The following ASH1L variants were observed in gnomAD, a reference collection of about 807,000 sequenced individuals.
The protein encoded by ASH1L is ASH1 like histone lysine methyltransferase, also known as histone-lysine N-methyltransferase ASH1L.
In ASH1L, 23 loss-of-function variants were observed where a neutral mutation model predicts 269.0. That is an observed-to-expected ratio of 0.09 (90% CI 0.06 to 0.12). The LOEUF (loss-of-function observed/expected upper bound fraction) is 0.12, where lower values mean the gene tolerates loss of function less well. Ranked by LOEUF, ASH1L falls within the 10% of genes least tolerant of loss-of-function variation. The pLI is 1.00. For missense variants in ASH1L, 2,912 were observed against 3,567.8 expected (o/e 0.82, Z 4.68); for synonymous variants, 1,187 against 1,253.5 (o/e 0.95, Z 1.12).
Position 155,562,490 on chromosome 1 carries a change from A to C in ASH1L, c.-437T>G. ...TGGCGGCGGCAGCTCCTCCAGAGGG[A>C]GGGAGCGAAGGGCGCCTAGCGCCCC... On this transcript the variant is annotated 5_prime_UTR_variant, in exon 1 of 28. Transcript: ENST00000392403. 1.4e-6 allele frequency: 2 copies of C among 1,473,970 alleles called. No individual in the cohort carries two copies. Among genetic ancestry groups the C allele is most frequent in the Non-Finnish European group, 1.8e-6 (2 of 1,089,726 alleles). 91.3% of individuals were successfully genotyped at this position (1,473,970 alleles called of 1,614,324 possible). A position where few individuals can be genotyped will look rare whatever the true frequency, so the allele number is the denominator to read the frequency against.
At chr1:155,411,967 C>A (rs569998960) in intron 6 of ASH1L, among the ~76,000 whole-genome samples, 1 of 152,096 alleles carries the variant, frequency 6.6e-6, no homozygotes, top group East Asian at 1.9e-4. Context: ...AGAGGCCGGG[C>A]GCTGTGGCTC....
intron 6 of ASH1L, among the ~76,000 whole-genome samples, chr1:155,401,989 C>A (rs533634488): frequency 6.6e-6 from 1 of 151,948 alleles, no homozygotes; most frequent in African/African-American, 2.4e-5. Flanking sequence ...ACTTGAGAGG[C>A]TGAAGCAGGA....
rs1652970068 is a variant in ASH1L, at chr1:155,343,300, C to G, written c.8293+14G>C. The G allele has an allele frequency of 6.2e-7, 1 of 1,606,346 alleles. No individual in the cohort carries two copies. The highest frequency in any genetic ancestry group is 1.3e-5 in the African/African-American group (1 of 74,714). On this transcript the variant is annotated intron_variant, in intron 24 of 27. Transcript: ENST00000392403. This position sits in a 1 kb window ranked among gnomAD's most constrained non-coding sequence, Gnocchi z 6.1. The stretch of plus-strand genomic sequence containing the variant: ...TTGGCCGAGGTCATTTTTTAACTAG[C>G]CCAGATCACTTACCTTTACAATACG...
At chr1:155,556,360 C>A (rs922175442) in intron 1 of ASH1L, among the ~76,000 whole-genome samples, 1 of 151,748 alleles carries the variant, frequency 6.6e-6, no homozygotes, top group Admixed American at 6.6e-5. Context: ...CAGCCAGACC[C>A]CAGCTGTAAA....
At chr1:155,420,105 G>T (rs1330910130) in intron 5 of ASH1L, among the ~76,000 whole-genome samples, 2 of 152,072 alleles carry the variant, frequency 1.3e-5, no homozygotes, top group African/African-American at 4.8e-5. Flanking sequence ...ACCACCTAAG[G>T]TCAGGAGTTT....
At chr1:155,434,121 T>C in intron 5 of ASH1L, 2 of 1,595,326 alleles carry the variant, frequency 1.3e-6, no homozygotes, top group Non-Finnish European at 8.5e-7. Flanking sequence ...TCCTTTCCTC[T>C]GGCCCCAGGG....
intron 4 of ASH1L, among the ~76,000 whole-genome samples, chr1:155,441,454 CTTTTTTTTTTTTTTT>C (rs34682576): frequency 4.1e-5 from 3 of 73,538 alleles, no homozygotes; most frequent in Non-Finnish European, 7.3e-5. Context: ...ATAAAGAATC[CTTTTTTTTTTTTTTT>C]TTTTTTTTTT....
At chr1:155,548,024 G>A (rs1430954655) in intron 1 of ASH1L, among the ~76,000 whole-genome samples, 1 of 152,136 alleles carries the variant, frequency 6.6e-6, no homozygotes, top group Non-Finnish European at 1.5e-5. Context: ...CAGGGACATG[G>A]ATGAAGCTGG....
At chr1:155,353,534 ACT>A (rs1219985617) in intron 16 of ASH1L, among the ~76,000 whole-genome samples, 25 of 152,004 alleles carry the variant, frequency 1.6e-4, no homozygotes, top group Non-Finnish European at 2.6e-4. Context: ...TCTTTTGAAC[ACT>A]CTGTTTTCAG....
intron 1 of ASH1L, among the ~76,000 whole-genome samples, chr1:155,540,031 TGACTCCA>T (rs935403912): frequency 1.3e-5 from 2 of 151,806 alleles, no homozygotes; most frequent in Non-Finnish European, 2.9e-5. Flanking sequence ...ATTGCACCAC[TGACTCCA>T]GCCTGGGTGA....
intron 7 of ASH1L, 105 bp from the exon 8 acceptor site, chr1:155,380,221 G>A: frequency 2.6e-6 from 2 of 770,974 alleles, no homozygotes; most frequent in East Asian, 5.4e-5. Context: ...AAAAAATAAA[G>A]ATTTAATTCT....
rs563176518 is a variant in ASH1L at position 155,403,328 on chromosome 1, C to A, written c.6009-7775G>T. Among the ~76,000 whole-genome samples the A allele has an allele frequency of 4.6e-3, 696 of 151,986 alleles. 2 individuals carry two copies. Among genetic ancestry groups the A allele is most frequent in the Middle Eastern group, 0.014 (4 of 294 alleles). On this transcript the variant is annotated intron_variant, in intron 6 of 27. Transcript: ENST00000392403. ...AGTGAAACTCCTGTTTCAAAAAAAA[C>A]CAAAAAAACCCACAAAAGATATGTC... is the stretch of plus-strand genomic sequence containing the variant.
intron 4 of ASH1L, among the ~76,000 whole-genome samples, chr1:155,450,247 G>C (rs985976806): frequency 6.6e-6 from 1 of 152,136 alleles, no homozygotes; most frequent in Non-Finnish European, 1.5e-5. Flanking sequence ...CCAGAAATTT[G>C]GTAATAATGT....
intron 10 of ASH1L, among the ~76,000 whole-genome samples, chr1:155,371,576 ATAAC>A (rs1655949611): frequency 6.6e-6 from 1 of 152,092 alleles, no homozygotes; most frequent in Admixed American, 6.6e-5. Context: ...AAATAAATAA[ATAAC>A]TGTGATCCAA....
In ASH1L at chr1:155,338,224, C is replaced by T; in HGVS notation, c.8668G>A (p.Glu2890Lys). The part of the protein sequence containing the change: ...EREGATANVS[E>K]GEKKTEESSQ... The stretch of plus-strand genomic sequence containing the variant: ...CTTTCCTCTGTTTTTTTTTCACCCT[C>T]ACTGACGTTAGCAGTGGCCCCTTCC... The change falls in exon 27 of 28, where the codon GAG (glutamate) becomes AAG (lysine). Residue 2890 changes from glutamate (E) to lysine (K), a missense_variant. Physicochemically the swap from Glu to Lys is moderately conservative, Grantham distance 56 (BLOSUM62 1). This residue lies in a region of ASH1L where 154 missense variants were observed against 165.0 expected (regional missense o/e 0.93). Coordinates refer to ENST00000392403, the MANE Select transcript of ASH1L (RefSeq NM_018489.3). 6.2e-7 allele frequency: 1 copy of T among 1,613,934 alleles called. No homozygotes were observed. The highest frequency in any genetic ancestry group is 8.5e-7 in the Non-Finnish European group (1 of 1,179,990).
intron 5 of ASH1L, chr1:155,434,158 G>C (rs1661877480): frequency 1.3e-6 from 2 of 1,593,852 alleles, no homozygotes; most frequent in East Asian, 2.3e-5. Flanking sequence ...CAGGCTATGG[G>C]AGCCCTCACT....
rs550452393 is a variant in ASH1L, at chr1:155,442,222, T to C, written c.5087-3154A>G. Among the ~76,000 whole-genome samples the C allele has an allele frequency of 2.0e-5, 3 of 152,172 alleles. No individual in the cohort carries two copies. The South Asian group carries it at 6.2e-4, about 32-fold the overall frequency. Reference sequence around the variant, plus strand: ...TATGCAGCAATGGACAACTGAAACATTGTTCTTCCTGCTTCTACTTTCACC... The same window carrying C: ...TATGCAGCAATGGACAACTGAAACACTGTTCTTCCTGCTTCTACTTTCACC... On this transcript the variant is annotated intron_variant, in intron 4 of 27. Transcript: ENST00000392403.
At chr1:155,538,640 CCTT>C (rs886137555) in intron 1 of ASH1L, among the ~76,000 whole-genome samples, 2 of 103,538 alleles carry the variant, frequency 1.9e-5, no homozygotes, top group African/African-American at 6.1e-5. Context: ...CTGTACCCAG[CCTT>C]TTTTTTTTTT....
chr1:155,405,733 G>A (rs1659222181), intron 6 of ASH1L, among the ~76,000 whole-genome samples: 1 of 151,652 alleles, frequency 6.6e-6, no homozygotes, highest in Non-Finnish European at 1.5e-5. Flanking sequence ...GGGAGGCTGA[G>A]GCAGGAGAAT....
Sources: gnomAD v4.1 joint callset for allele counts (sites outside exome capture counted in the v4.1 genomes callset) on GRCh38, gnomAD v4.1.1 for gene constraint, gnomAD v4.1.1 regional missense constraint, Gnocchi (gnomAD v3.1) non-coding constraint, MANE v1.5 for transcripts, NCBI Gene and HGNC (gene_info 2026-07-23, HGNC 2026-07-21) for gene names.